Variants in TANC1 observed in about 807,000 individuals in gnomAD.
TANC1 encodes the protein tetratricopeptide repeat, ankyrin repeat and coiled-coil containing 1.
Under a neutral mutation model 149.7 loss-of-function variants are expected in TANC1, and 77 were observed. The ratio of observed to expected loss-of-function variants is 0.51; its 90% CI spans 0.43 to 0.62. TANC1 has a LOEUF of 0.62. Among genes scored for constraint, TANC1 ranks in the 20% least tolerant of loss-of-function variants. TANC1 has a pLI of 0.00. For missense variants in TANC1, 1,985 were observed against 2,321.8 expected (o/e 0.85, Z 2.98); for synonymous variants, 854 against 925.0 (o/e 0.92, Z 1.39).
intron 1 of TANC1, among the ~76,000 whole-genome samples, chr2:158,995,766 C>G (rs576238644): frequency 6.6e-6 from 1 of 152,280 alleles, no homozygotes; most frequent in African/African-American, 2.4e-5. Flanking sequence ...ACCCTTCTGT[C>G]TGTATTAAAC....
intron 2 of TANC1, chr2:159,004,240 C>G: frequency 6.2e-7 from 1 of 1,612,192 alleles, no homozygotes; most frequent in African/African-American, 1.3e-5. Flanking sequence ...GCACCAAAAC[C>G]AGAAGACATT....
At chr2:159,092,602 G>A (rs1047244859) in intron 3 of TANC1, among the ~76,000 whole-genome samples, 5 of 152,120 alleles carry the variant, frequency 3.3e-5, no homozygotes, top group African/African-American at 4.8e-5. Flanking sequence ...TGACTTACTT[G>A]TATGCGTATA....
At chr2:159,127,444 G>C (rs976055456) in intron 4 of TANC1, among the ~76,000 whole-genome samples, 1 of 152,164 alleles carries the variant, frequency 6.6e-6, no homozygotes, top group African/African-American at 2.4e-5. Context: ...ATTTGACCTA[G>C]CAATCCCATT....
intron 2 of TANC1, among the ~76,000 whole-genome samples, chr2:159,048,013 A>G (rs2149573514): frequency 6.6e-6 from 1 of 152,166 alleles, no homozygotes; most frequent in South Asian, 2.1e-4. Flanking sequence ...TTTTTTTCAC[A>G]GCTATTCTGA....
chr2:159,030,323 C>T (rs1490633807), intron 2 of TANC1, among the ~76,000 whole-genome samples: 1 of 152,126 alleles, frequency 6.6e-6, no homozygotes, highest in African/African-American at 2.4e-5. Flanking sequence ...TAATCTTTGA[C>T]CAGAAAATGA....
intron 2 of TANC1, among the ~76,000 whole-genome samples, chr2:159,023,405 C>T (rs962296767): frequency 5.3e-5 from 8 of 151,446 alleles, no homozygotes; most frequent in South Asian, 2.1e-4. Context: ...TGCAGTGGTA[C>T]GATCTTGGCT....
chr2:159,215,259 G>A (rs112515776), intron 19 of TANC1, among the ~76,000 whole-genome samples: 17 of 152,186 alleles, frequency 1.1e-4, no homozygotes, highest in African/African-American at 2.2e-4. Context: ...GGTGATCCAC[G>A]GGAGAGATGT....
At chr2:158,973,469 G>GA (rs1451666517) in intron 1 of TANC1, among the ~76,000 whole-genome samples, 12 of 152,180 alleles carry the variant, frequency 7.9e-5, no homozygotes, top group Non-Finnish European at 1.8e-4. Context: ...GAAGAAATAT[G>GA]AAAAAGATCA....
At chr2:159,004,308 A>C in intron 2 of TANC1, 1 of 1,611,858 alleles carries the variant, frequency 6.2e-7, no homozygotes, top group Non-Finnish European at 8.5e-7. Context: ...GGCATCAAAG[A>C]ATGAAGCTAA....
rs777299338 is a variant in TANC1 at position 159,196,659 on chromosome 2, C to T, written c.3031C>T (p.Arg1011Trp). The T allele has an allele frequency of 9.9e-6, 16 of 1,613,808 alleles. No individual in the cohort carries two copies. Among genetic ancestry groups the T allele is most frequent in the East Asian group, 4.5e-5 (2 of 44,872 alleles). ...GTGTGCGCTTGTCCACAGTGCCCTACGGGGCCACGGTGACATTCTCCAGTA... is the reference window on the plus strand; with the variant it reads ...GTGTGCGCTTGTCCACAGTGCCCTATGGGGCCACGGTGACATTCTCCAGTA... ...GQCALVHSAL[R>W]GHGDILQYLL... Residue 1011 changes from arginine (R) to tryptophan (W), a missense_variant, in exon 18 of 27, where the codon CGG (arginine) becomes TGG (tryptophan). Around this residue, in one of 3 missense-constraint regions of TANC1, gnomAD observed 508 missense variants for 714.2 expected, o/e 0.71. Coordinates refer to ENST00000263635, the MANE Select transcript of TANC1 (RefSeq NM_033394.3).
intron 5 of TANC1, among the ~76,000 whole-genome samples, chr2:159,142,684 G>T (rs1189509679): frequency 6.6e-6 from 1 of 151,692 alleles, no homozygotes; most frequent in Admixed American, 6.6e-5. Flanking sequence ...TTGAAAGAAT[G>T]ACTGACAACC....
intron 7 of TANC1, among the ~76,000 whole-genome samples, chr2:159,155,553 G>C (rs2053337876): frequency 6.6e-6 from 1 of 152,242 alleles, no homozygotes; most frequent in Non-Finnish European, 1.5e-5. Context: ...CTGCCACACA[G>C]AGCAGGTATG....
chr2:159,198,058 T>C (rs1044569869), intron 18 of TANC1, among the ~76,000 whole-genome samples: 1 of 152,206 alleles, frequency 6.6e-6, no homozygotes, highest in Non-Finnish European at 1.5e-5. Flanking sequence ...TTTTAGCTCA[T>C]GGCCCCTTCC....
At chr2:159,200,288 A>G (rs1559447240) in intron 19 of TANC1, among the ~76,000 whole-genome samples, 1 of 152,172 alleles carries the variant, frequency 6.6e-6, no homozygotes, top group Non-Finnish European at 1.5e-5. Context: ...ACTTGGGCTT[A>G]GACATTCTGA....
At chr2:159,207,666 T>A (rs917934371) in intron 19 of TANC1, among the ~76,000 whole-genome samples, 3 of 115,916 alleles carry the variant, frequency 2.6e-5, no homozygotes, top group African/African-American at 1.0e-4. Flanking sequence ...GCCACTGTAC[T>A]CCAGCCTGGG....
At chr2:159,101,934 C>T (rs2046755460) in intron 4 of TANC1, among the ~76,000 whole-genome samples, 1 of 152,144 alleles carries the variant, frequency 6.6e-6, no homozygotes, top group Non-Finnish European at 1.5e-5. Flanking sequence ...GAGTGCCGGC[C>T]ACTTCCGCTT....
intron 26 of TANC1, among the ~76,000 whole-genome samples, chr2:159,229,329 C>T (rs1458825966): frequency 2.0e-5 from 3 of 152,118 alleles, no homozygotes; most frequent in Non-Finnish European, 4.4e-5. Flanking sequence ...TCATGCTTCT[C>T]CCTATTCCCA....
At chr2:159,180,450 C>A (rs556579183) in intron 14 of TANC1, among the ~76,000 whole-genome samples, 1 of 152,322 alleles carries the variant, frequency 6.6e-6, no homozygotes, top group South Asian at 2.1e-4. Context: ...CTGTAGTCTT[C>A]ATTAAGCTTC....
intron 8 of TANC1, among the ~76,000 whole-genome samples, chr2:159,164,846 T>A (rs370293989): frequency 7.9e-5 from 12 of 152,152 alleles, no homozygotes; most frequent in African/African-American, 2.2e-4. Context: ...TCAAAGGAAG[T>A]GAAATGGCCT....
Sources: gnomAD v4.1 joint callset for allele counts (sites outside exome capture counted in the v4.1 genomes callset) on GRCh38, gnomAD v4.1.1 for gene constraint, gnomAD v4.1.1 regional missense constraint, MANE v1.5 for transcripts, NCBI Gene and HGNC (gene_info 2026-07-23, HGNC 2026-07-21) for gene names.